NOX3: variants seen among roughly 807,000 people sequenced by gnomAD.
NOX3 encodes NADPH oxidase 3.
Under a neutral mutation model 76.7 loss-of-function variants are expected in NOX3, and 74 were observed. The ratio of observed to expected loss-of-function variants is 0.96; its 90% CI spans 0.80 to 1.17. NOX3 has a LOEUF of 1.17. Among genes scored for constraint, NOX3 ranks in the 50% most tolerant of loss-of-function variants. The probability of loss-of-function intolerance (pLI) is 0.00; values close to 1 mark genes in which losing one functional copy is unlikely to be tolerated. For missense variants in NOX3, 695 were observed against 703.3 expected, an observed-to-expected ratio of 0.99 and a Z score of 0.13; for synonymous variants, 263 against 261.1, an observed-to-expected ratio of 1.01 and a Z score of -0.07.
intron 12 of NOX3, among the ~76,000 whole-genome samples, chr6:155,400,018 G>A (rs1325222238): frequency 6.6e-6 from 1 of 152,152 alleles, no homozygotes; most frequent in African/African-American, 2.4e-5. Flanking sequence ...TACACAAGCT[G>A]CAAAGATGGC....
rs563661496 is a variant in NOX3, at chr6:155,443,558, C to G, written c.341-140G>C. ...AAGGAAAAGTGATGTATTTACACATCTTTCCCAGTGCTTTGAGTGGAGTGG... is the reference window on the plus strand; with the variant it reads ...AAGGAAAAGTGATGTATTTACACATGTTTCCCAGTGCTTTGAGTGGAGTGG... On this transcript the variant is annotated intron_variant, in intron 4 of 13. Transcript: ENST00000159060. 9.5e-5 allele frequency: 94 copies of G among 988,860 alleles called. 2 individuals carry two copies. Among genetic ancestry groups the G allele is most frequent in the South Asian group, 5.9e-4 (32 of 54,232 alleles). 61.3% of individuals were successfully genotyped at this position (988,860 alleles called of 1,614,324 possible). A position where few individuals can be genotyped will look rare whatever the true frequency, so the allele number is the denominator to read the frequency against.
chr6:155,451,594 A>G (rs1459160267), intron 4 of NOX3, among the ~76,000 whole-genome samples: 1 of 151,606 alleles, frequency 6.6e-6, no homozygotes, highest in Non-Finnish European at 1.5e-5. Flanking sequence ...TTCATAACAC[A>G]TTTTTCTTAT....
At chr6:155,413,015 G>A (rs541038097) in intron 10 of NOX3, among the ~76,000 whole-genome samples, 1 of 152,340 alleles carries the variant, frequency 6.6e-6, no homozygotes, top group African/African-American at 2.4e-5. Context: ...GGGGCTCAAT[G>A]AGCCCTCTCT....
intron 10 of NOX3, among the ~76,000 whole-genome samples, chr6:155,413,851 T>C (rs971086190): frequency 1.3e-5 from 2 of 152,206 alleles, no homozygotes; most frequent in Non-Finnish European, 2.9e-5. Flanking sequence ...CATTCATAGA[T>C]GGATAATAAA....
chr6:155,439,812 G>A (rs1156586249), intron 6 of NOX3, 144 bp downstream of exon 6: 17 of 551,258 alleles, frequency 3.1e-5, no homozygotes, highest in South Asian at 9.4e-5. Flanking sequence ...CTGAAAAAGC[G>A]TTTGCCACAG....
intron 4 of NOX3, among the ~76,000 whole-genome samples, chr6:155,444,475 C>T (rs926043952): frequency 1.3e-5 from 2 of 152,076 alleles, no homozygotes; most frequent in Admixed American, 1.3e-4. Flanking sequence ...GCTGGCAATT[C>T]GGCTACACCA....
At chr6:155,436,386 T>G in intron 7 of NOX3, 32 bp downstream of exon 7, 1 of 1,613,386 alleles carries the variant, frequency 6.2e-7, no homozygotes, top group Non-Finnish European at 8.5e-7. Context: ...GTGGTGACAT[T>G]TATTTTTAAA....
intron 4 of NOX3, among the ~76,000 whole-genome samples, chr6:155,450,272 C>G (rs1251172198): frequency 2.0e-5 from 3 of 152,002 alleles, no homozygotes; most frequent in African/African-American, 4.8e-5. Context: ...GAAAGAGCAC[C>G]CTGCTTTCTC....
intron 4 of NOX3, among the ~76,000 whole-genome samples, chr6:155,445,969 A>ATGCTATATAT (rs1380551108): frequency 4.1e-5 from 4 of 96,662 alleles, no homozygotes; most frequent in African/African-American, 1.7e-4. Flanking sequence ...ATATATATAT[A>ATGCTATATAT]ATATATATAT....
intron 8 of NOX3, among the ~76,000 whole-genome samples, chr6:155,430,204 A>AT (rs1366875215): frequency 9.2e-5 from 14 of 152,058 alleles, no homozygotes. Context: ...CTAGGCATGC[A>AT]TTTTTTTGGT....
At chr6:155,421,500 GAA>G (rs945014406) in intron 10 of NOX3, among the ~76,000 whole-genome samples, 1 of 152,162 alleles carries the variant, frequency 6.6e-6, no homozygotes, top group African/African-American at 2.4e-5. Flanking sequence ...GTTAGGTGAG[GAA>G]AGGTTCTGTA....
At chr6:155,408,749 A>G (rs113056221) in intron 11 of NOX3, among the ~76,000 whole-genome samples, 6,670 of 152,292 alleles carry the variant, frequency 0.044, 262 homozygotes, top group African/African-American at 0.096. Flanking sequence ...TGTTATATAC[A>G]TACTGTGGAA....
At chr6:155,439,577 G>A (rs1453910612) in intron 6 of NOX3, among the ~76,000 whole-genome samples, 1 of 152,150 alleles carries the variant, frequency 6.6e-6, no homozygotes, top group Admixed American at 6.5e-5. Flanking sequence ...CTAGTTGACG[G>A]TTTTGGTTAA....
chr6:155,444,674 C>T (rs560502958), intron 4 of NOX3, among the ~76,000 whole-genome samples: 1 of 152,290 alleles, frequency 6.6e-6, no homozygotes, highest in South Asian at 2.1e-4. Context: ...GCAAAAGTTA[C>T]AGCCACAATG....
intron 11 of NOX3, among the ~76,000 whole-genome samples, chr6:155,409,000 G>A (rs1394331424): frequency 2.6e-5 from 4 of 152,092 alleles, no homozygotes; most frequent in Non-Finnish European, 5.9e-5. Context: ...AACCTACTGG[G>A]TATGATATCC....
At chr6:155,403,311 C>A (rs1298185253) in intron 12 of NOX3, among the ~76,000 whole-genome samples, 2 of 152,116 alleles carry the variant, frequency 1.3e-5, no homozygotes, top group African/African-American at 2.4e-5. Context: ...AGCTTTTGAC[C>A]GAAGGCTTGT....
chr6:155,440,171 A>C, intron 5 of NOX3, 34 bp from the exon 6 acceptor site: 1 of 1,482,590 alleles, frequency 6.7e-7, no homozygotes, highest in Non-Finnish European at 9.1e-7. Context: ...AAAAGAAACA[A>C]ACAAAAAAAA....
intron 3 of NOX3, 110 bp from the exon 4 acceptor site, chr6:155,453,598 G>A: frequency 1.2e-6 from 1 of 821,798 alleles, no homozygotes; most frequent in Non-Finnish European, 2.1e-6. Context: ...GCTTAAAGTG[G>A]GGCTATGTGA....
intron 12 of NOX3, among the ~76,000 whole-genome samples, chr6:155,402,796 A>C (rs1779248790): frequency 6.6e-6 from 1 of 152,228 alleles, no homozygotes; most frequent in Admixed American, 6.5e-5. Context: ...AGTCCGGAGA[A>C]TCCTCGGCTT....
Sources: gnomAD v4.1 joint callset for allele counts (sites outside exome capture counted in the v4.1 genomes callset) on GRCh38, gnomAD v4.1.1 for gene constraint, MANE v1.5 for transcripts, NCBI Gene and HGNC (gene_info 2026-07-23, HGNC 2026-07-21) for gene names.